Variants in STAG3 observed in about 807,000 individuals in gnomAD.
STAG3 encodes cohesin subunit SA-3.
In STAG3, 101 loss-of-function variants were observed where a neutral mutation model predicts 160.7. The ratio of observed to expected loss-of-function variants is 0.63; its 90% CI spans 0.54 to 0.74. The LOEUF is 0.74. STAG3 is among the 30% of genes least tolerant of loss of function. The pLI is 0.00. For missense variants in STAG3, 1,188 were observed against 1,517.4 expected (o/e 0.78, Z 3.61); for synonymous variants, 519 against 585.0 (o/e 0.89, Z 1.63).
intron 4 of STAG3, among the ~76,000 whole-genome samples, chr7:100,183,544 C>T (rs1160011816): frequency 6.6e-6 from 1 of 152,090 alleles, no homozygotes; most frequent in Admixed American, 6.5e-5. Context: ...CGAAAGTGTA[C>T]AAAGCTTATA....
chr7:100,215,498 G>A (rs1161407437), downstream of STAG3, among the ~76,000 whole-genome samples: 1 of 152,216 alleles, frequency 6.6e-6, no homozygotes, highest in African/African-American at 2.4e-5. Flanking sequence ...TAGTTCTGGG[G>A]AAAGGAGCCT....
chr7:100,185,130 C>G (rs7788301), intron 4 of STAG3, among the ~76,000 whole-genome samples: 46,908 of 151,866 alleles, frequency 0.31, 7,936 homozygotes, highest in East Asian at 0.62. Context: ...GTTTGACCTC[C>G]CTCAGTGGCG....
rs1211728731 is a variant in STAG3, at chr7:100,211,164, C to T, written c.3392C>T (p.Ser1131Leu). The change falls in exon 30 of 34, where the codon TCA (serine) becomes TTA (leucine). Residue 1131 changes from serine to leucine, a missense_variant. Physicochemically the swap from Ser to Leu is moderately radical, Grantham distance 145. Transcript: ENST00000615138. ...GLKEMEEEDG[S>L]ELDFAQGSQP... ...AAAGAGATGGAGGAAGAAGATGGCT[C>T]AGAGTTGGATTTTGCCCAGGGGTGA... 10 of 1,586,292 alleles carry T rather than the reference C, an allele frequency of 6.3e-6. No homozygotes were observed. The highest frequency in any genetic ancestry group is 8.6e-6 in the Non-Finnish European group (10 of 1,166,276).
intron 29 of STAG3, among the ~76,000 whole-genome samples, chr7:100,210,289 G>A (rs551026016): frequency 6.6e-6 from 1 of 152,146 alleles, no homozygotes; most frequent in Admixed American, 6.5e-5. Flanking sequence ...AGTGGAGAAG[G>A]GGGGTAATGG....
intron 8 of STAG3, among the ~76,000 whole-genome samples, chr7:100,192,726 T>G (rs1185944726): frequency 2.0e-5 from 3 of 152,202 alleles, no homozygotes; most frequent in Admixed American, 6.5e-5. Flanking sequence ...AAGTATCTGG[T>G]ACTACAGATT....
At chr7:100,195,489 C>G (rs1366253407) in intron 9 of STAG3, 107 bp downstream of exon 9, 2 of 1,057,278 alleles carry the variant, frequency 1.9e-6, no homozygotes, top group Admixed American at 2.7e-5. Context: ...TGGTTAGTCC[C>G]AGAATTAATG....
At chr7:100,195,213 C>T (rs1289540650) in intron 8 of STAG3, 96 bp from the exon 9 acceptor site, 1 of 1,041,408 alleles carries the variant, frequency 9.6e-7, no homozygotes, top group East Asian at 2.4e-5. Flanking sequence ...CTATAATAAA[C>T]AGGAAGTAGG....
intron 27 of STAG3, 90 bp from the exon 28 acceptor site, chr7:100,204,915 C>T (rs569320678): frequency 3.4e-4 from 521 of 1,552,264 alleles, no homozygotes; most frequent in Non-Finnish European, 3.9e-4. Context: ...AAGCTGGGGA[C>T]GGGGGGAGGG....
intron 9 of STAG3, among the ~76,000 whole-genome samples, chr7:100,196,513 C>T (rs1800701767): frequency 1.3e-5 from 2 of 152,096 alleles, no homozygotes; most frequent in East Asian, 1.9e-4. Flanking sequence ...GTATGGAGAC[C>T]GGGTGCAGTG....
At chr7:100,218,556 T>C (rs1727142), downstream of STAG3, 204,492 of 305,956 alleles carry the variant, frequency 0.67, 72,588 homozygotes, top group Middle Eastern at 0.86. Flanking sequence ...TGAGCTCTGC[T>C]GGAAGTGACT....
chr7:100,185,554 A>G (rs1799939516), intron 4 of STAG3, among the ~76,000 whole-genome samples: 1 of 150,274 alleles, frequency 6.7e-6, no homozygotes, highest in South Asian at 2.1e-4. Flanking sequence ...GTGAGCCGAG[A>G]TCACACCATT....
At chr7:100,184,999 A>G (rs2117101556) in intron 4 of STAG3, among the ~76,000 whole-genome samples, 1 of 151,122 alleles carries the variant, frequency 6.6e-6, no homozygotes, top group East Asian at 2.0e-4. Context: ...TTTTTAAGAA[A>G]GGAACCTGCT....
At chr7:100,211,283 C>T (rs1471559682) in intron 30 of STAG3, 98 bp downstream of exon 30, 9 of 1,487,424 alleles carry the variant, frequency 6.1e-6, no homozygotes, top group South Asian at 3.9e-5. Context: ...TGCTGTAGCA[C>T]TCCCACATTG....
chr7:100,187,759 CTT>C (rs57544965), intron 5 of STAG3, among the ~76,000 whole-genome samples: 26 of 136,688 alleles, frequency 1.9e-4, no homozygotes, highest in South Asian at 2.3e-4. Context: ...CCTGCATCAT[CTT>C]TTTTTTTTTT....
At position 100,211,205 on chromosome 7, in the gene STAG3, C is replaced by A; in HGVS notation, c.3413+20C>A. On this transcript the variant is annotated intron_variant, in intron 30 of 33. Coordinates refer to ENST00000615138, the MANE Select transcript of STAG3 (RefSeq NM_001282717.2). ...CCAGGGGTGAGGCCATGGAGGGAAT[C>A]TGGGTGTCTGAGTTCCCAGTTTGGT... 1 of 1,541,370 alleles carries A rather than the reference C, an allele frequency of 6.5e-7. No individual in the cohort carries two copies. Among genetic ancestry groups the A allele is most frequent in the Non-Finnish European group, 8.7e-7 (1 of 1,146,716 alleles).
Position 100,204,094 on chromosome 7 carries a change from C to G in STAG3, c.2774C>G (p.Ser925Cys). The G allele has an allele frequency of 6.2e-7, 1 of 1,614,088 alleles. No homozygotes were observed. The highest frequency in any genetic ancestry group is 1.3e-5 in the African/African-American group (1 of 75,044). ...RARQIDRSHC[S>C]RILLLSLKQL... ...AGGCAGATTGACCGAAGTCATTGTT[C>G]CCGAATCCTGCTGCTGAGCCTCAAG... The change falls in exon 26 of 34, where the codon TCC becomes TGC. Residue 925 changes from serine to cysteine, a missense_variant. Around this residue, in one of 4 missense-constraint regions of STAG3, gnomAD observed 647 missense variants for 717.2 expected, o/e 0.90. Transcript: ENST00000615138.
At chr7:100,212,632 T>C (rs954494551) in intron 32 of STAG3, 1 of 152,222 alleles carries the variant, frequency 6.6e-6, no homozygotes, top group African/African-American at 2.4e-5. Context: ...ATTTTTTTTG[T>C]ATTTTTAGTA....
At chr7:100,197,586 G>A (rs1206992501) in intron 10 of STAG3, 192 bp from the exon 11 acceptor site, 3 of 652,126 alleles carry the variant, frequency 4.6e-6, no homozygotes, top group South Asian at 1.8e-5. Context: ...CTCATCATGA[G>A]TACTGCTGTG....
chr7:100,200,838 G>A lies in STAG3; in HGVS notation c.1930G>A (p.Ala644Thr). Reference protein sequence around the residue: ...VKHAEPAVLEAGAHALYLLCN... With the variant: ...VKHAEPAVLETGAHALYLLCN... Reference sequence around the variant, plus strand: ...GCATGCAGAGCCAGCGGTGCTTGAGGCTGGGGCGCATGCCCTCTACCTGCT... The same window carrying A: ...GCATGCAGAGCCAGCGGTGCTTGAGACTGGGGCGCATGCCCTCTACCTGCT... Residue 644 changes from alanine (A) to threonine (T), a missense_variant, in exon 19 of 34, where the codon GCT (alanine) becomes ACT (threonine). This residue lies in a region of STAG3 where 647 missense variants were observed against 717.2 expected (regional missense o/e 0.90). Coordinates refer to ENST00000615138, the MANE Select transcript of STAG3 (RefSeq NM_001282717.2). 3 of 1,614,218 alleles carry A rather than the reference G, an allele frequency of 1.9e-6. No individual in the cohort carries two copies. Among genetic ancestry groups the A allele is most frequent in the South Asian group, 1.1e-5 (1 of 91,082 alleles).
Sources: allele counts gnomAD v4.1 joint callset (sites outside exome capture counted in the v4.1 genomes callset), GRCh38; gene constraint gnomAD v4.1.1; regional missense constraint gnomAD v4.1.1; transcripts MANE v1.5; gene names NCBI Gene and HGNC (gene_info 2026-07-23, HGNC 2026-07-21).